GRIK2: variants seen among roughly 807,000 people sequenced by gnomAD.
The protein encoded by GRIK2 is glutamate ionotropic receptor kainate type subunit 2, also known as glutamate receptor ionotropic, kainate 2.
A neutral mutation model predicts 100.3 loss-of-function variants in GRIK2; 32 were observed. The ratio of observed to expected loss-of-function variants is 0.32; its 90% CI spans 0.24 to 0.43. The LOEUF (loss-of-function observed/expected upper bound fraction) is 0.43. GRIK2 is among the 20% of genes least tolerant of loss of function. The pLI, the probability that GRIK2 is intolerant of heterozygous loss-of-function variation, is 1.00. For missense variants in GRIK2, 843 were observed against 1,114.9 expected, an observed-to-expected ratio of 0.76 and a Z score of 3.47; for synonymous variants, 417 against 389.4, an observed-to-expected ratio of 1.07 and a Z score of -0.83.
chr6:101,524,601 TAGAC>T (rs1381951923), intron 2 of GRIK2, among the ~76,000 whole-genome samples: 1 of 152,088 alleles, frequency 6.6e-6, no homozygotes. Flanking sequence ...GCCCAAATAG[TAGAC>T]AGTAAGTAGA....
At chr6:101,435,502 T>G (rs2128244484) in intron 2 of GRIK2, among the ~76,000 whole-genome samples, 1 of 152,160 alleles carries the variant, frequency 6.6e-6, no homozygotes, top group Non-Finnish European at 1.5e-5. Flanking sequence ...TTCCAGTTTT[T>G]TCATTGTGGT....
intron 2 of GRIK2, among the ~76,000 whole-genome samples, chr6:101,540,668 G>GT (rs1775942655): frequency 6.6e-6 from 1 of 152,000 alleles, no homozygotes; most frequent in Admixed American, 6.6e-5. Flanking sequence ...TTGCTCACTA[G>GT]TGGGTATATT....
At chr6:101,722,451 C>T (rs79628550) in intron 7 of GRIK2, among the ~76,000 whole-genome samples, 14 of 152,152 alleles carry the variant, frequency 9.2e-5, no homozygotes, top group Non-Finnish European at 1.9e-4. Context: ...TGTGTTTATA[C>T]TTACGTCTTT....
chr6:101,851,328 AATTAT>A (rs1260891889), intron 10 of GRIK2, among the ~76,000 whole-genome samples: 5 of 152,030 alleles, frequency 3.3e-5, no homozygotes, highest in Non-Finnish European at 5.9e-5. Context: ...TAACTTTTAC[AATTAT>A]ATTGCTGTTT....
chr6:101,619,387 T>A (rs60794695), intron 2 of GRIK2, among the ~76,000 whole-genome samples: 3,387 of 151,986 alleles, frequency 0.022, 135 homozygotes, highest in African/African-American at 0.076. Flanking sequence ...CTTTAAACAT[T>A]CAAACTTGTG....
chr6:101,902,158 A>G (rs572614359), intron 12 of GRIK2, among the ~76,000 whole-genome samples: 1 of 152,142 alleles, frequency 6.6e-6, no homozygotes, highest in East Asian at 1.9e-4. Context: ...AATAACAAAT[A>G]TCAAACTACC....
chr6:101,927,148 TA>T (rs1789955612), intron 13 of GRIK2: 1 of 152,556 alleles, frequency 6.6e-6, no homozygotes, highest in Admixed American at 6.5e-5. Context: ...TGTCTGCTTT[TA>T]AAATTTTGTT....
chr6:101,756,657 A>G (rs1251777465), intron 7 of GRIK2, among the ~76,000 whole-genome samples: 2 of 152,214 alleles, frequency 1.3e-5, no homozygotes, highest in Non-Finnish European at 2.9e-5. Flanking sequence ...GTATAAAAAT[A>G]AACATTCAAG....
intron 2 of GRIK2, among the ~76,000 whole-genome samples, chr6:101,442,463 G>C (rs1194114782): frequency 6.6e-6 from 1 of 152,030 alleles, no homozygotes; most frequent in Non-Finnish European, 1.5e-5. Flanking sequence ...GATTCTCTGG[G>C]GAGCCCTTTT....
At chr6:101,525,479 T>C (rs1562201028) in intron 2 of GRIK2, among the ~76,000 whole-genome samples, 1 of 152,170 alleles carries the variant, frequency 6.6e-6, no homozygotes, top group Non-Finnish European at 1.5e-5. Flanking sequence ...AGTCCTATGA[T>C]ATCAGATGTG....
At chr6:101,766,908 G>T (rs1411877894) in intron 7 of GRIK2, among the ~76,000 whole-genome samples, 1 of 152,196 alleles carries the variant, frequency 6.6e-6, no homozygotes, top group South Asian at 2.1e-4. Flanking sequence ...TGACACAGTA[G>T]ATAAGATGGC....
chr6:101,459,627 G>T (rs2128251961), intron 2 of GRIK2, among the ~76,000 whole-genome samples: 1 of 152,202 alleles, frequency 6.6e-6, no homozygotes, highest in East Asian at 1.9e-4. Flanking sequence ...AACTTTATAG[G>T]AAGTTCTAGG....
chr6:101,608,868 A>G (rs1394114280), intron 2 of GRIK2, among the ~76,000 whole-genome samples: 2 of 151,364 alleles, frequency 1.3e-5, no homozygotes, highest in Admixed American at 6.6e-5. Flanking sequence ...ACAAAGTCCC[A>G]TAGTCTACAG....
chr6:101,492,898 G>A (rs893747677), intron 2 of GRIK2, among the ~76,000 whole-genome samples: 6 of 151,778 alleles, frequency 4.0e-5, no homozygotes, highest in African/African-American at 1.5e-4. Flanking sequence ...GAATAAAAGA[G>A]GATATTGGTG....
intron 16 of GRIK2, among the ~76,000 whole-genome samples, chr6:102,056,512 C>T (rs1379859839): frequency 1.3e-5 from 2 of 151,894 alleles, no homozygotes; most frequent in African/African-American, 4.8e-5. Flanking sequence ...TGAAGAAACT[C>T]ACAATATTTT....
intron 5 of GRIK2, 117 bp from the exon 6 acceptor site, chr6:101,682,436 C>G (rs1269511522): frequency 1.5e-6 from 1 of 664,980 alleles, no homozygotes. Context: ...TTGTATGTAA[C>G]ATGAATATTG....
At chr6:101,717,443 A>C (rs1280215912) in intron 7 of GRIK2, among the ~76,000 whole-genome samples, 2 of 151,836 alleles carry the variant, frequency 1.3e-5, no homozygotes, top group Non-Finnish European at 2.9e-5. Context: ...TAAACTACTA[A>C]TTTTTGTTGT....
At chr6:101,876,352 C>T (rs935369538) in intron 11 of GRIK2, among the ~76,000 whole-genome samples, 3 of 151,686 alleles carry the variant, frequency 2.0e-5, no homozygotes, top group African/African-American at 7.3e-5. Flanking sequence ...GAATCTGGAT[C>T]CTTTTTTATA....
chr6:101,805,603 T>C (rs1169537835), intron 9 of GRIK2, among the ~76,000 whole-genome samples: 1 of 151,960 alleles, frequency 6.6e-6, no homozygotes, highest in Non-Finnish European at 1.5e-5. Flanking sequence ...TAGGTTAATC[T>C]TCTAACAAAT....
Sources: allele counts gnomAD v4.1 joint callset (sites outside exome capture counted in the v4.1 genomes callset), GRCh38; gene constraint gnomAD v4.1.1; transcripts MANE v1.5; gene names NCBI Gene and HGNC (gene_info 2026-07-23, HGNC 2026-07-21).